Variants in KIAA0753 observed in about 807,000 individuals in gnomAD.
KIAA0753 encodes KIAA0753.
In KIAA0753, 114 loss-of-function variants were observed where a neutral mutation model predicts 116.9. The observed-to-expected ratio is 0.98, with a 90% CI of 0.84 to 1.14. The LOEUF is 1.14. Among genes scored for constraint, KIAA0753 ranks in the 50% most tolerant of loss-of-function variants. The pLI, the probability that KIAA0753 is intolerant of heterozygous loss-of-function variation, is 0.00. For missense variants in KIAA0753, 1,156 were observed against 1,172.4 expected, an observed-to-expected ratio of 0.99 and a Z score of 0.20; for synonymous variants, 405 against 413.1, an observed-to-expected ratio of 0.98 and a Z score of 0.24.
chr17:6,595,508 T>C (rs987957234), intron 15 of KIAA0753, among the ~76,000 whole-genome samples: 1 of 152,226 alleles, frequency 6.6e-6, no homozygotes, highest in Non-Finnish European at 1.5e-5. Context: ...AAAAATTGTT[T>C]TCCTTCTAAT....
intron 2 of KIAA0753, among the ~76,000 whole-genome samples, chr17:6,630,249 C>T (rs185061693): frequency 3.0e-4 from 46 of 152,024 alleles, no homozygotes; most frequent in Non-Finnish European, 4.9e-4. Context: ...GATGTTCAAT[C>T]TCATAACACA....
At chr17:6,621,020 A>T (rs753562609) in intron 6 of KIAA0753, 22 bp from the exon 7 acceptor site, 1 of 1,608,196 alleles carries the variant, frequency 6.2e-7, no homozygotes, top group South Asian at 1.1e-5. Context: ...ACAATCAATT[A>T]TTCTCTTAGT....
intron 13 of KIAA0753, among the ~76,000 whole-genome samples, 180 bp from the exon 14 acceptor site, chr17:6,599,500 TG>T (rs1420774540): frequency 2.0e-5 from 3 of 151,416 alleles, no homozygotes; most frequent in African/African-American, 7.3e-5. Flanking sequence ...GTGTTGATCT[TG>T]GCTTTCCAGC....
At position 6,589,760 on chromosome 17, in the gene KIAA0753, A is replaced by C. The variant is rs780846665; in HGVS notation, c.2786+19T>G. 3.2e-6 allele frequency: 5 copies of C among 1,574,568 alleles called. No individual in the cohort carries two copies. The stretch of plus-strand genomic sequence containing the variant: ...TTGCAATTTGGTTCCTAAACAGAGG[A>C]CCGTAACATTTTACTGACCTTTCAG... On this transcript the variant is annotated intron_variant, in intron 18 of 18. Coordinates refer to ENST00000361413, the MANE Select transcript of KIAA0753 (RefSeq NM_014804.3).
chr17:6,600,425 C>T lies in KIAA0753; in HGVS notation c.2043G>A (p.Glu681=), dbSNP rs768881144. 5.6e-6 allele frequency: 9 copies of T among 1,613,900 alleles called. No homozygotes were observed. The highest frequency in any genetic ancestry group is 2.2e-5 in the South Asian group (2 of 91,074). Residue 681 remains glutamate (E), a synonymous_variant, in exon 13 of 19, where the codon GAG becomes GAA. Transcript: ENST00000361413. ...GCTTCAAACGATCCAGAACTGCCTC[C>T]TCTACCTTGTCTGCTAAGTGGGTGG... ...VSATHLADKV[E]EAVLDRLKPL...
At chr17:6,605,451 C>T (rs1286578939) in intron 12 of KIAA0753, among the ~76,000 whole-genome samples, 1 of 152,176 alleles carries the variant, frequency 6.6e-6, no homozygotes, top group East Asian at 1.9e-4. Context: ...TGCTCAGTGA[C>T]CTCCTGAGAG....
At chr17:6,580,129 T>C (rs1226283756) in intron 18 of KIAA0753, among the ~76,000 whole-genome samples, 1 of 151,538 alleles carries the variant, frequency 6.6e-6, no homozygotes, top group Non-Finnish European at 1.5e-5. Flanking sequence ...GAGATTGCAG[T>C]GAGCAGAGAT....
chr17:6,624,563 C>CACACAT lies in KIAA0753; in HGVS notation c.825+191_825+192insATGTGT, dbSNP rs1567581032. Among the ~76,000 whole-genome samples the CACACAT allele has an allele frequency of 3.3e-5, 5 of 151,914 alleles. No individual in the cohort carries two copies. The South Asian group carries it at 1.0e-3, about 32-fold the overall frequency. On this transcript the variant is annotated intron_variant, in intron 4 of 18. Coordinates refer to ENST00000361413, the MANE Select transcript of KIAA0753 (RefSeq NM_014804.3). The stretch of plus-strand genomic sequence containing the variant: ...ACACACACACACACACACACACACA[C>CACACAT]ACACACACGCAGATTACAAAAAGAA...
At chr17:6,594,930 T>C (rs1215102190) in intron 16 of KIAA0753, 42 bp downstream of exon 16, 1 of 1,469,932 alleles carries the variant, frequency 6.8e-7, no homozygotes, top group South Asian at 1.2e-5. Context: ...TTGAAATTCT[T>C]CAGAATAAAA....
At position 6,596,319 on chromosome 17, in the gene KIAA0753, T is replaced by C. The variant is rs779795549; in HGVS notation, c.2197A>G (p.Asn733Asp). Residue 733 changes from asparagine to aspartate, a missense_variant, in exon 15 of 19, where the codon AAC becomes GAC. Coordinates refer to ENST00000361413, the MANE Select transcript of KIAA0753 (RefSeq NM_014804.3). ...QEVAAVDFES[N>D]NIRQLDDFLE... ...AAATCATCAAGCTGACGAATGTTGT[T>C]GGATTCAAAATCAACAGCTGCAACC... 1.2e-6 allele frequency: 2 copies of C among 1,603,420 alleles called. No homozygotes were observed. The highest frequency in any genetic ancestry group is 1.7e-6 in the Non-Finnish European group (2 of 1,177,676).
chr17:6,585,197 G>C (rs1485995404), intron 18 of KIAA0753, among the ~76,000 whole-genome samples: 2 of 152,194 alleles, frequency 1.3e-5, no homozygotes, highest in African/African-American at 4.8e-5. Context: ...TCTAGCTTCT[G>C]GTGTTATTAA....
At chr17:6,581,287 G>A (rs1968163053) in intron 18 of KIAA0753, among the ~76,000 whole-genome samples, 1 of 151,860 alleles carries the variant, frequency 6.6e-6, no homozygotes, top group Non-Finnish European at 1.5e-5. Flanking sequence ...TGGGGGGGTG[G>A]GGAGAATATC....
rs137958844 is a variant in KIAA0753 at position 6,633,289 on chromosome 17, G to A, written c.93+1722C>T. 1.1e-4 allele frequency among the ~76,000 whole-genome samples: 17 copies of A among 152,312 alleles called. No individual in the cohort carries two copies. The East Asian group carries it at 3.3e-3, about 29-fold the overall frequency. On this transcript the variant is annotated intron_variant, in intron 2 of 18. Coordinates refer to ENST00000361413, the MANE Select transcript of KIAA0753 (RefSeq NM_014804.3). Reference sequence around the variant, plus strand: ...TGTGGACTATTCTTGCAACTTTTCTGTCAGTCTGAAATTATGTCAAAAAAT... The same window carrying A: ...TGTGGACTATTCTTGCAACTTTTCTATCAGTCTGAAATTATGTCAAAAAAT...
At chr17:6,624,270 T>C (rs1971513171) in intron 4 of KIAA0753, among the ~76,000 whole-genome samples, 1 of 152,198 alleles carries the variant, frequency 6.6e-6, no homozygotes, top group Admixed American at 6.5e-5. Context: ...CTTTACTCTT[T>C]GCTGTTTACC....
rs899408885 is a variant in KIAA0753 at position 6,630,076 on chromosome 17, T to G, written c.94-1335A>C. Among the ~76,000 whole-genome samples, 12 of 152,126 alleles carry G rather than the reference T, an allele frequency of 7.9e-5. No individual in the cohort carries two copies. In the East Asian group the frequency reaches 2.3e-3, roughly 29 times the overall value. On this transcript the variant is annotated intron_variant, in intron 2 of 18. Coordinates refer to ENST00000361413, the MANE Select transcript of KIAA0753 (RefSeq NM_014804.3). ...GGTGGAGGTTGCAGCGAGCTGAGAC[T>G]AAGCCACTGCACTCAAGCTTGGGTG...
intron 7 of KIAA0753, among the ~76,000 whole-genome samples, chr17:6,612,760 C>T (rs1352773376): frequency 2.6e-5 from 4 of 152,118 alleles, no homozygotes; most frequent in Non-Finnish European, 5.9e-5. Flanking sequence ...CCCAGCTACT[C>T]AGGAGGCTGA....
At chr17:6,603,506 C>T (rs1339969623) in intron 12 of KIAA0753, among the ~76,000 whole-genome samples, 2 of 152,182 alleles carry the variant, frequency 1.3e-5, no homozygotes, top group African/African-American at 4.8e-5. Context: ...ATTTTTGCTT[C>T]TGAAGAGGCT....
chr17:6,621,371 G>A (rs1482890081), intron 6 of KIAA0753, among the ~76,000 whole-genome samples: 2 of 152,174 alleles, frequency 1.3e-5, no homozygotes, highest in Non-Finnish European at 2.9e-5. Context: ...AGTCTTTTAA[G>A]TGGGCACACA....
intron 13 of KIAA0753, among the ~76,000 whole-genome samples, chr17:6,599,603 G>A (rs1969713569): frequency 6.6e-6 from 1 of 151,612 alleles, no homozygotes; most frequent in South Asian, 2.1e-4. Flanking sequence ...CTTCCTCAAT[G>A]ATAAAATGAG....
Sources: allele counts gnomAD v4.1 joint callset (sites outside exome capture counted in the v4.1 genomes callset), GRCh38; gene constraint gnomAD v4.1.1; transcripts MANE v1.5; gene names NCBI Gene and HGNC (gene_info 2026-07-23, HGNC 2026-07-21).